STAM: variants seen among roughly 807,000 people sequenced by gnomAD.
The protein encoded by STAM is signal transducing adaptor molecule.
STAM carries 16 observed loss-of-function variants against 63.4 expected under a neutral mutation model. The observed-to-expected ratio is 0.25, with a 90% CI of 0.17 to 0.38. STAM has a LOEUF of 0.38. STAM is among the 10% of genes least tolerant of loss of function. The pLI is 1.00. For missense variants in STAM, 636 were observed against 657.1 expected, an observed-to-expected ratio of 0.97 and a Z score of 0.35; for synonymous variants, 238 against 223.9, an observed-to-expected ratio of 1.06 and a Z score of -0.56.
Position 17,700,201 on chromosome 10 carries a change from G to A in STAM, c.834G>A (p.Glu278=), listed in dbSNP as rs1554828165. 3.1e-6 allele frequency: 5 copies of A among 1,606,968 alleles called. No homozygotes were observed. In the East Asian group the frequency reaches 1.1e-4, roughly 36 times the overall value. Residue 278 remains glutamate (E), a synonymous_variant, in exon 9 of 14, where the codon GAG becomes GAA. Transcript: ENST00000377524. ...TTACATATCTTACAGTTAAAACAGA[G>A]AAGAAGACGGTACAATTTAGTGATG... The part of the protein sequence containing the change: ...LTAEPEMIKT[E]KKTVQFSDDV...
intron 4 of STAM, among the ~76,000 whole-genome samples, chr10:17,685,513 A>G (rs945589894): frequency 1.3e-5 from 2 of 152,326 alleles, no homozygotes; most frequent in Admixed American, 1.3e-4. Context: ...ATCAGTCTAA[A>G]GGATTTATTA....
intron 13 of STAM, among the ~76,000 whole-genome samples, chr10:17,712,578 G>A (rs963970682): frequency 6.6e-6 from 1 of 152,198 alleles, no homozygotes; most frequent in Non-Finnish European, 1.5e-5. Flanking sequence ...ACAATTGGAG[G>A]AAAGTTTAGA....
chr10:17,676,896 C>CAT (rs34283260), intron 2 of STAM, among the ~76,000 whole-genome samples: 17,621 of 150,218 alleles, frequency 0.12, 1,064 homozygotes, highest in Admixed American at 0.14. Flanking sequence ...AATAATTATA[C>CAT]ATATATATAT....
chr10:17,700,303 G>A (rs542967385), intron 9 of STAM, 24 bp downstream of exon 9: 4 of 1,527,672 alleles, frequency 2.6e-6, no homozygotes, highest in Non-Finnish European at 3.5e-6. Flanking sequence ...ATGGTGATAG[G>A]AGTTGGTACT....
Position 17,714,848 on chromosome 10 carries a change from T to A in STAM, c.*68T>A. 7.3e-7 allele frequency: 1 copy of A among 1,367,718 alleles called. No individual in the cohort carries two copies. Among genetic ancestry groups the A allele is most frequent in the Non-Finnish European group, 1.0e-6 (1 of 957,706 alleles). The allele number at this position is 1,367,718 out of a possible 1,614,324, so 84.7% of individuals were successfully genotyped here. On this transcript the variant is annotated 3_prime_UTR_variant, in exon 14 of 14. Coordinates refer to ENST00000377524, the MANE Select transcript of STAM (RefSeq NM_003473.4). ...CTGACAATGTTATGAGATTCATTACTATCTTAAGATGTGTTTATCCTCAGC... is the reference window on the plus strand; with the variant it reads ...CTGACAATGTTATGAGATTCATTACAATCTTAAGATGTGTTTATCCTCAGC...
At chr10:17,688,516 G>A (rs797030104) in intron 5 of STAM, among the ~76,000 whole-genome samples, 3 of 152,266 alleles carry the variant, frequency 2.0e-5, no homozygotes, top group African/African-American at 7.2e-5. Context: ...TGGGTAGAGT[G>A]CAGTAGCGTG....
Position 17,653,519 on chromosome 10 carries a change from C to G in STAM, c.41-6945C>G, listed in dbSNP as rs887906333. On this transcript the variant is annotated intron_variant, in intron 1 of 13. Transcript: ENST00000377524. Reference sequence around the variant, plus strand: ...AGCACAGAAGCTTTATGTTTGGAACCCTCCCAGATCTAGCTCCATACAGGT... The same window carrying G: ...AGCACAGAAGCTTTATGTTTGGAACGCTCCCAGATCTAGCTCCATACAGGT... Among the ~76,000 whole-genome samples the G allele has an allele frequency of 3.3e-5, 5 of 152,102 alleles. No homozygotes were observed. The South Asian group carries it at 8.3e-4, about 25-fold the overall frequency.
Position 17,664,094 on chromosome 10 carries a change from C to T in STAM, c.125+3546C>T, listed in dbSNP as rs564106674. 8.9e-4 allele frequency among the ~76,000 whole-genome samples: 136 copies of T among 152,112 alleles called. 1 individual carries two copies. In the South Asian group the frequency reaches 0.015, roughly 16 times the overall value. On this transcript the variant is annotated intron_variant, in intron 2 of 13. Transcript: ENST00000377524. Reference sequence around the variant, plus strand: ...TGTTTTAAAAGAAATAAAACATTTACGTGTACTTCCAAAATTATTGTGAGT... The same window carrying T: ...TGTTTTAAAAGAAATAAAACATTTATGTGTACTTCCAAAATTATTGTGAGT...
chr10:17,661,905 C>T (rs1834185036), intron 2 of STAM, among the ~76,000 whole-genome samples: 1 of 91,324 alleles, frequency 1.1e-5, no homozygotes, highest in Admixed American at 1.1e-4. Flanking sequence ...GTGGTCCCAT[C>T]CATCCCTTTG....
At chr10:17,675,579 G>C (rs72782503) in intron 2 of STAM, among the ~76,000 whole-genome samples, 3 of 151,780 alleles carry the variant, frequency 2.0e-5, no homozygotes, top group Non-Finnish European at 4.4e-5. Context: ...TATAAAGTTT[G>C]GACAACTATG....
chr10:17,714,574 T>C lies in STAM; in HGVS notation c.1417T>C (p.Tyr473His). 1.9e-6 allele frequency: 3 copies of C among 1,614,200 alleles called. No individual in the cohort carries two copies. Among genetic ancestry groups the C allele is most frequent in the African/African-American group, 1.3e-5 (1 of 75,040 alleles). The change falls in exon 14 of 14, where the codon TAT (tyrosine) becomes CAT (histidine). Residue 473 changes from tyrosine (Y) to histidine (H), a missense_variant. Around this residue, in one of 3 missense-constraint regions of STAM, gnomAD observed 532 missense variants for 536.9 expected, o/e 0.99. Transcript: ENST00000377524. Reference protein sequence around the residue: ...TMVSSVQGNTYPSQAPVYSPP... With the variant: ...TMVSSVQGNTHPSQAPVYSPP... Reference sequence around the variant, plus strand: ...GGTCAGTTCCGTTCAAGGAAACACATATCCCAGCCAGGCGCCAGTATATAG... The same window carrying C: ...GGTCAGTTCCGTTCAAGGAAACACACATCCCAGCCAGGCGCCAGTATATAG...
rs2131717295 is a variant in STAM, at chr10:17,716,174, A to T, written c.*1394A>T. ...TTAAACAACGGAAAAGTTGAGTCGAACATCATATTTAATGAATTGATGTAA... is the reference window on the plus strand; with the variant it reads ...TTAAACAACGGAAAAGTTGAGTCGATCATCATATTTAATGAATTGATGTAA... On this transcript the variant is annotated 3_prime_UTR_variant, in exon 14 of 14. Transcript: ENST00000377524. Among the ~76,000 whole-genome samples the T allele has an allele frequency of 6.6e-6, 1 of 152,282 alleles. No homozygotes were observed. The highest frequency in any genetic ancestry group is 1.9e-4 in the East Asian group (1 of 5,180).
chr10:17,647,651 A>G (rs1833571160), intron 1 of STAM, among the ~76,000 whole-genome samples: 1 of 152,142 alleles, frequency 6.6e-6, no homozygotes, highest in African/African-American at 2.4e-5. Context: ...TCTGTGTCTC[A>G]GTTTCCTTAT....
chr10:17,646,961 T>C (rs1432128572), intron 1 of STAM, among the ~76,000 whole-genome samples: 1 of 152,250 alleles, frequency 6.6e-6, no homozygotes, highest in African/African-American at 2.4e-5. Flanking sequence ...AATCTGAGGC[T>C]GAATCAGAAA....
chr10:17,653,007 T>G (rs1418410385), intron 1 of STAM, among the ~76,000 whole-genome samples: 2 of 152,194 alleles, frequency 1.3e-5, no homozygotes, highest in Non-Finnish European at 2.9e-5. Flanking sequence ...TAAGAGCATC[T>G]TTGTTATTTT....
intron 1 of STAM, among the ~76,000 whole-genome samples, chr10:17,647,514 T>C (rs563270168): frequency 4.6e-5 from 7 of 152,194 alleles, no homozygotes; most frequent in Non-Finnish European, 1.0e-4. Context: ...CTTTTTTTTT[T>C]CCCTTAGAGT....
In STAM at chr10:17,714,562, C is replaced by G. The variant is rs1554830489; in HGVS notation, c.1405C>G (p.Gln469Glu). ...CCACAGTACAATGGTCAGTTCCGTT[C>G]AAGGAAACACATATCCCAGCCAGGC... ...AYPNTMVSSV[Q>E]GNTYPSQAPV... Residue 469 changes from glutamine to glutamate, a missense_variant, in exon 14 of 14, where the codon CAA becomes GAA. Gln to Glu is a conservative substitution (Grantham distance 29). This residue lies in a region of STAM where 532 missense variants were observed against 536.9 expected (regional missense o/e 0.99). Transcript: ENST00000377524. 3 of 1,614,074 alleles carry G rather than the reference C, an allele frequency of 1.9e-6. No homozygotes were observed. The highest frequency in any genetic ancestry group is 2.5e-6 in the Non-Finnish European group (3 of 1,180,008).
In STAM at chr10:17,648,579, G is replaced by C. The variant is rs538947441; in HGVS notation, c.40+4200G>C. Among the ~76,000 whole-genome samples, 8 of 152,232 alleles carry C rather than the reference G, an allele frequency of 5.3e-5. No homozygotes were observed. In the East Asian group the frequency reaches 1.5e-3, roughly 29 times the overall value. ...CACAAAGGTCCGTGGCTTCATTCTT[G>C]ACGTCAGCGAGACCACAAACCCACC... On this transcript the variant is annotated intron_variant, in intron 1 of 13. Transcript: ENST00000377524.
rs1218726672 is a variant in STAM at position 17,715,520 on chromosome 10, C to T, written c.*740C>T. The T allele has an allele frequency of 5.2e-5, 8 of 152,456 alleles. No homozygotes were observed. The highest frequency in any genetic ancestry group is 1.9e-4 in the African/African-American group (8 of 41,370). 9.4% of individuals were successfully genotyped at this position (152,456 alleles called of 1,614,324 possible). On this transcript the variant is annotated 3_prime_UTR_variant, in exon 14 of 14. Transcript: ENST00000377524. ...TGCAATTATAGCAAATGATAATGTT[C>T]CCTTTTGAACTTTTACATTTTGGCA...
Sources: allele counts gnomAD v4.1 joint callset (sites outside exome capture counted in the v4.1 genomes callset), GRCh38; gene constraint gnomAD v4.1.1; regional missense constraint gnomAD v4.1.1; transcripts MANE v1.5; gene names NCBI Gene and HGNC (gene_info 2026-07-23, HGNC 2026-07-21).